SGCZ: variants seen among roughly 807,000 people sequenced by gnomAD.
SGCZ encodes zeta-sarcoglycan.
A neutral mutation model predicts 41.3 loss-of-function variants in SGCZ; 40 were observed. The observed-to-expected ratio is 0.97, with a 90% confidence interval of 0.75 to 1.26. SGCZ has a LOEUF of 1.26. Among genes scored for constraint, SGCZ ranks in the 50% most tolerant of loss-of-function variants. The pLI is 0.00. For missense variants in SGCZ, 552 were observed against 369.8 expected (o/e 1.49, Z -4.04); for synonymous variants, 206 against 137.5 (o/e 1.50, Z -3.49).
chr8:14,960,941 AC>A (rs1800944461), intron 1 of SGCZ, among the ~76,000 whole-genome samples: 3 of 146,604 alleles, frequency 2.0e-5, no homozygotes, highest in African/African-American at 7.7e-5. Context: ...GCACACACAC[AC>A]ACACACACAC....
At chr8:14,423,660 T>C (rs979629313) in intron 2 of SGCZ, among the ~76,000 whole-genome samples, 6 of 152,188 alleles carry the variant, frequency 3.9e-5, no homozygotes, top group African/African-American at 9.6e-5. Flanking sequence ...GTGATCCGCC[T>C]GCCTTGGCCT....
chr8:14,102,438 C>A lies in SGCZ; in HGVS notation c.682G>T (p.Ala228Ser). Residue 228 changes from alanine (A) to serine (S), a missense_variant, in exon 7 of 8, where the codon GCT (alanine) becomes TCT (serine). Coordinates refer to ENST00000382080, the MANE Select transcript of SGCZ (RefSeq NM_139167.4). ...EAPRGVQVSA[A>S]AGDFKATCRK... ...CAGGTGGCCTTGAAGTCTCCTGCAG[C>A]AGCACTCACCTGGACCCCACGGGGA... 6.5e-7 allele frequency: 1 copy of A among 1,535,158 alleles called. No individual in the cohort carries two copies. Among genetic ancestry groups the A allele is most frequent in the Non-Finnish European group, 8.8e-7 (1 of 1,130,030 alleles).
intron 2 of SGCZ, among the ~76,000 whole-genome samples, chr8:14,405,565 T>C (rs1308248214): frequency 6.6e-6 from 1 of 151,922 alleles, no homozygotes; most frequent in Non-Finnish European, 1.5e-5. Context: ...CCAAGAATTA[T>C]GCTTGCCTAT....
chr8:14,244,264 T>A (rs1003567298), intron 3 of SGCZ, among the ~76,000 whole-genome samples: 1 of 152,042 alleles, frequency 6.6e-6, no homozygotes, highest in African/African-American at 2.4e-5. Flanking sequence ...TCTTCCTTCT[T>A]CCTCTTCCTC....
At chr8:14,864,408 T>C (rs1227177574) in intron 1 of SGCZ, among the ~76,000 whole-genome samples, 1 of 152,124 alleles carries the variant, frequency 6.6e-6, no homozygotes, top group East Asian at 1.9e-4. Flanking sequence ...TCCTTGAAAA[T>C]CTGTCAGTAA....
intron 1 of SGCZ, among the ~76,000 whole-genome samples, chr8:14,898,692 A>G (rs1028633105): frequency 3.3e-5 from 5 of 152,184 alleles, no homozygotes; most frequent in African/African-American, 9.7e-5. Flanking sequence ...AGTCAAGTTT[A>G]AGAATAATTT....
At chr8:14,504,480 C>A (rs1395727596) in intron 2 of SGCZ, among the ~76,000 whole-genome samples, 1 of 152,134 alleles carries the variant, frequency 6.6e-6, no homozygotes, top group African/African-American at 2.4e-5. Context: ...CTGCTTCACT[C>A]TATTGGTTTC....
intron 1 of SGCZ, among the ~76,000 whole-genome samples, chr8:15,181,952 C>T (rs546636654): frequency 1.3e-5 from 2 of 152,178 alleles, no homozygotes; most frequent in South Asian, 4.2e-4. Context: ...TGTGTTACAT[C>T]TTATGCAGTG....
At chr8:14,451,897 G>A (rs572842146) in intron 2 of SGCZ, among the ~76,000 whole-genome samples, 46 of 152,308 alleles carry the variant, frequency 3.0e-4, no homozygotes, top group African/African-American at 9.6e-4. Flanking sequence ...TCAAAGTGGT[G>A]CAGCCATGTT....
intron 4 of SGCZ, among the ~76,000 whole-genome samples, chr8:14,218,953 T>C (rs186700125): frequency 1.3e-5 from 2 of 152,164 alleles, no homozygotes; most frequent in African/African-American, 2.4e-5. Flanking sequence ...CACGGAGAAA[T>C]TGCCAAAGAA....
At chr8:15,092,351 A>G (rs2131064797) in intron 1 of SGCZ, among the ~76,000 whole-genome samples, 1 of 152,296 alleles carries the variant, frequency 6.6e-6, no homozygotes, top group East Asian at 1.9e-4. Context: ...GGATACAGAA[A>G]ACTTTTATCT....
chr8:14,320,856 T>G (rs1425995213), intron 3 of SGCZ, among the ~76,000 whole-genome samples: 1 of 152,104 alleles, frequency 6.6e-6, no homozygotes, highest in Admixed American at 6.6e-5. Context: ...GAGGGCTGTT[T>G]AGTTCGTCTC....
chr8:14,712,088 G>C (rs1809537782), intron 1 of SGCZ, among the ~76,000 whole-genome samples: 1 of 152,176 alleles, frequency 6.6e-6, no homozygotes, highest in Non-Finnish European at 1.5e-5. Context: ...GGCCAACATG[G>C]CGAATCCTCG....
intron 1 of SGCZ, among the ~76,000 whole-genome samples, chr8:14,998,833 G>T (rs7845713): frequency 0.048 from 7,318 of 152,178 alleles, 544 homozygotes; most frequent in African/African-American, 0.16. Context: ...GTACGCCAAA[G>T]AAAACCTATT....
intron 5 of SGCZ, among the ~76,000 whole-genome samples, chr8:14,134,855 T>C (rs1276972993): frequency 2.4e-5 from 3 of 125,364 alleles, no homozygotes; most frequent in African/African-American, 7.4e-5. Context: ...GAATGGTTTT[T>C]ACTGTTTGAT....
chr8:14,570,398 T>G (rs1375865966), intron 1 of SGCZ, among the ~76,000 whole-genome samples: 2 of 152,214 alleles, frequency 1.3e-5, no homozygotes, highest in African/African-American at 2.4e-5. Flanking sequence ...ATTTCAATAC[T>G]CTTCTTGCTA....
intron 1 of SGCZ, among the ~76,000 whole-genome samples, chr8:14,866,553 T>C (rs1803938762): frequency 6.6e-6 from 1 of 152,130 alleles, no homozygotes; most frequent in African/African-American, 2.4e-5. Flanking sequence ...CTCATGCCTG[T>C]AATGCCAGCA....
intron 1 of SGCZ, among the ~76,000 whole-genome samples, chr8:15,146,029 T>C (rs1799026084): frequency 6.6e-6 from 1 of 152,024 alleles, no homozygotes; most frequent in Non-Finnish European, 1.5e-5. Context: ...CTCTCTCTGC[T>C]CTGTTAGTGG....
chr8:14,459,161 G>C (rs755799261), intron 2 of SGCZ, among the ~76,000 whole-genome samples: 3 of 151,876 alleles, frequency 2.0e-5, no homozygotes, highest in Non-Finnish European at 4.4e-5. Flanking sequence ...GCAAACTATC[G>C]AGAGGACAAA....
Sources: allele counts gnomAD v4.1 joint callset (sites outside exome capture counted in the v4.1 genomes callset), GRCh38; gene constraint gnomAD v4.1.1; transcripts MANE v1.5; gene names NCBI Gene and HGNC (gene_info 2026-07-23, HGNC 2026-07-21).